USH2A: variants seen among roughly 807,000 people sequenced by gnomAD.
USH2A encodes the protein Usher syndrome 2A (autosomal recessive, mild).
A neutral mutation model predicts 538.9 loss-of-function variants in USH2A; 443 were observed. The observed-to-expected ratio is 0.82, with a 90% CI of 0.76 to 0.89. The LOEUF is 0.89. USH2A is among the 40% of genes least tolerant of loss of function. USH2A has a pLI of 0.00. For synonymous variants in USH2A, 2,413 were observed against 2,273.5 expected (o/e 1.06, Z -1.75); for missense variants, 6,633 against 6,324.8 (o/e 1.05, Z -1.65).
Position 215,867,074 on chromosome 1 carries a change from C to T in USH2A, c.8778G>A (p.Glu2926=), listed in dbSNP as rs374146074. The T allele has an allele frequency of 8.7e-6, 14 of 1,614,190 alleles. No individual in the cohort carries two copies. In the African/African-American group the frequency reaches 1.3e-4, roughly 15 times the overall value. Residue 2926 remains glutamate, a synonymous_variant, in exon 44 of 72, where the codon GAG becomes GAA. Transcript: ENST00000307340. ...CACTCGCAGTGAGATTGGCTCCTCT[C>T]TCTGGAAGACCAGCTAACGTTGTCA... ...VTVTTLAGLP[E]RGANLTASVL...
At chr1:215,745,066 C>T (rs2102729628) in intron 58 of USH2A, among the ~76,000 whole-genome samples, 1 of 152,244 alleles carries the variant, frequency 6.6e-6, no homozygotes, top group East Asian at 1.9e-4. Context: ...CTGTATTTTC[C>T]ACTCCCAAAC....
chr1:216,241,827 C>T (rs1048244164), intron 13 of USH2A, among the ~76,000 whole-genome samples: 47 of 152,108 alleles, frequency 3.1e-4, no homozygotes, highest in African/African-American at 1.1e-3. Context: ...CCACCATGTG[C>T]GGCCATTAGG....
intron 61 of USH2A, among the ~76,000 whole-genome samples, chr1:215,703,459 T>G (rs1659091861): frequency 6.6e-6 from 1 of 152,166 alleles, no homozygotes; most frequent in African/African-American, 2.4e-5. Flanking sequence ...ATGGGAGTTT[T>G]TCTCTAAGTT....
At chr1:215,988,543 T>G (rs1252882532) in intron 35 of USH2A, among the ~76,000 whole-genome samples, 1 of 152,164 alleles carries the variant, frequency 6.6e-6, no homozygotes, top group African/African-American at 2.4e-5. Context: ...TGCTACATCA[T>G]CTAATAATTC....
At chr1:216,086,566 T>TAAAAAAAA (rs375382636) in intron 24 of USH2A, among the ~76,000 whole-genome samples, 153 bp downstream of exon 24, 1 of 151,830 alleles carries the variant, frequency 6.6e-6, no homozygotes, top group African/African-American at 2.4e-5. Flanking sequence ...ATGGTTCCTT[T>TAAAAAAAA]AAAAAAAAGA....
rs1011942987 is a variant in USH2A, at chr1:216,423,257, T to C, written c.-248A>G. ...CAACCAGTCCCCTCAGTGTGACAAA[T>C]GGCTCTTCAACAGGACCGCTGTCCC... On this transcript the variant is annotated 5_prime_UTR_variant, in exon 1 of 72. Coordinates refer to ENST00000307340, the MANE Select transcript of USH2A (RefSeq NM_206933.4). 2 of 152,212 alleles carry C rather than the reference T, an allele frequency of 1.3e-5. No individual in the cohort carries two copies. The highest frequency in any genetic ancestry group is 4.8e-5 in the African/African-American group (2 of 41,448). 9.4% of individuals were successfully genotyped at this position (152,212 alleles called of 1,614,324 possible).
intron 12 of USH2A, among the ~76,000 whole-genome samples, chr1:216,247,922 G>A (rs1441297962): frequency 1.3e-5 from 2 of 151,426 alleles, no homozygotes; most frequent in African/African-American, 4.8e-5. Flanking sequence ...CGTGAAGCTG[G>A]GAAAAAAGAA....
At chr1:215,938,961 C>T (rs1666570621) in intron 37 of USH2A, among the ~76,000 whole-genome samples, 3 of 152,188 alleles carry the variant, frequency 2.0e-5, no homozygotes, top group Admixed American at 2.0e-4. Context: ...CTAGCTTTGA[C>T]TAGCTTTGGA....
At chr1:215,651,951 C>A (rs75748209) in intron 64 of USH2A, among the ~76,000 whole-genome samples, 3,854 of 152,276 alleles carry the variant, frequency 0.025, 152 homozygotes, top group African/African-American at 0.085. Flanking sequence ...AAATCTCCAG[C>A]CCCTTGCTGA....
intron 62 of USH2A, among the ~76,000 whole-genome samples, chr1:215,677,761 C>T (rs1412284657): frequency 6.6e-6 from 1 of 152,148 alleles, no homozygotes; most frequent in Non-Finnish European, 1.5e-5. Flanking sequence ...GGGCTTGATC[C>T]CAGACTCTCA....
intron 61 of USH2A, among the ~76,000 whole-genome samples, chr1:215,710,179 G>A (rs1659299566): frequency 6.6e-6 from 1 of 152,142 alleles, no homozygotes; most frequent in East Asian, 1.9e-4. Flanking sequence ...ATTCACTGTG[G>A]GTGACTAGAA....
intron 9 of USH2A, among the ~76,000 whole-genome samples, chr1:216,310,101 TC>T (rs2037391700): frequency 6.6e-6 from 1 of 152,204 alleles, no homozygotes; most frequent in East Asian, 1.9e-4. Flanking sequence ...TCTAACAATC[TC>T]TCTCTTTTAA....
chr1:215,697,119 A>ATT (rs34386908), intron 61 of USH2A, among the ~76,000 whole-genome samples: 65 of 148,202 alleles, frequency 4.4e-4, no homozygotes, highest in East Asian at 2.0e-3. Flanking sequence ...GGCCCAGCTA[A>ATT]TTTTTTTTTT....
intron 65 of USH2A, 135 bp downstream of exon 65, chr1:215,650,457 C>T: frequency 9.5e-7 from 1 of 1,050,264 alleles, no homozygotes. Flanking sequence ...ATTTGTGCTA[C>T]TAAGTTCACC....
At chr1:216,156,284 CTTTTTTTTTTCTTTTTTT>C (rs1250798626) in intron 21 of USH2A, among the ~76,000 whole-genome samples, 5 of 102,602 alleles carry the variant, frequency 4.9e-5, no homozygotes, top group Admixed American at 2.4e-4. Context: ...TTCTTTCTTT[CTTTTTTTTTTCTTTTTTT>C]TTTTTTTTTT....
chr1:215,824,884 A>AT (rs1369715410), intron 47 of USH2A, among the ~76,000 whole-genome samples: 2 of 152,144 alleles, frequency 1.3e-5, no homozygotes, highest in African/African-American at 4.8e-5. Flanking sequence ...TGAAAGTCCA[A>AT]TTTTCTTACC....
intron 32 of USH2A, among the ~76,000 whole-genome samples, chr1:216,037,514 G>T (rs546830684): frequency 1.1e-3 from 170 of 152,096 alleles, no homozygotes; most frequent in Non-Finnish European, 1.9e-3. Context: ...TTGTTTTCAG[G>T]ATTGTACTGG....
intron 69 of USH2A, among the ~76,000 whole-genome samples, chr1:215,636,768 A>G (rs1370103746): frequency 6.6e-6 from 1 of 151,982 alleles, no homozygotes. Flanking sequence ...GGGAACAGGA[A>G]TGTTTTTAAA....
chr1:215,993,130 C>T lies in USH2A; in HGVS notation c.6695G>A (p.Ser2232Asn). The T allele has an allele frequency of 6.2e-7, 1 of 1,614,018 alleles. No homozygotes were observed. Among genetic ancestry groups the T allele is most frequent in the Non-Finnish European group, 8.5e-7 (1 of 1,179,948 alleles). ...TATGTCCTCGTCAGTTAGGGCCTCACTGGCCTCACTCACTGTGCACCCACC... is the reference window on the plus strand; with the variant it reads ...TATGTCCTCGTCAGTTAGGGCCTCATTGGCCTCACTCACTGTGCACCCACC... ...TGGGCTVSEASEALTDEDIPE... is the reference protein window; with the variant it reads ...TGGGCTVSEANEALTDEDIPE... Residue 2232 changes from serine (S) to asparagine (N), a missense_variant, in exon 35 of 72, where the codon AGT (serine) becomes AAT (asparagine). Ser to Asn is a conservative substitution (Grantham distance 46). Transcript: ENST00000307340.
Sources: allele counts gnomAD v4.1 joint callset (sites outside exome capture counted in the v4.1 genomes callset), GRCh38; gene constraint gnomAD v4.1.1; transcripts MANE v1.5; gene names NCBI Gene and HGNC (gene_info 2026-07-23, HGNC 2026-07-21).